Variants in ZNF444 observed in about 807,000 individuals in gnomAD.
The protein encoded by ZNF444 is zinc finger protein 444.
In ZNF444, 8 loss-of-function variants were observed where a neutral mutation model predicts 14.4. That is an observed-to-expected ratio of 0.56 (90% CI 0.33 to 1.00). The LOEUF is 1.00. Among genes scored for constraint, ZNF444 ranks in the 50% least tolerant of loss-of-function variants. ZNF444 has a pLI of 0.03. For synonymous variants in ZNF444, 258 were observed against 235.9 expected (o/e 1.09, Z -0.86); for missense variants, 510 against 504.8 (o/e 1.01, Z -0.10).
chr19:56,139,581 G>A (rs948080396), upstream of ZNF444, among the ~76,000 whole-genome samples: 1 of 152,040 alleles, frequency 6.6e-6, no homozygotes, highest in Non-Finnish European at 1.5e-5. Flanking sequence ...GGCTACTCAG[G>A]AGGATGCAGC....
At chr19:56,134,470 G>C (rs1216401236) in intron 1 of ZNF444, among the ~76,000 whole-genome samples, 1 of 152,154 alleles carries the variant, frequency 6.6e-6, no homozygotes, top group Non-Finnish European at 1.5e-5. Flanking sequence ...GGGCGGAGCA[G>C]TCACCCAAAA....
intron 1 of ZNF444, among the ~76,000 whole-genome samples, chr19:56,133,880 AG>A (rs1351657384): frequency 6.6e-6 from 1 of 151,676 alleles, no homozygotes; most frequent in Non-Finnish European, 1.5e-5. Flanking sequence ...ATGAGGGGGA[AG>A]TCAGATAATG....
chr19:56,149,359 C>T (rs2031431212), intron 3 of ZNF444, among the ~76,000 whole-genome samples: 1 of 132,818 alleles, frequency 7.5e-6, no homozygotes. Flanking sequence ...TTCCATCCCC[C>T]ATCACTCCTC....
At chr19:56,149,263 C>T (rs532694009) in intron 3 of ZNF444, among the ~76,000 whole-genome samples, 2 of 127,654 alleles carry the variant, frequency 1.6e-5, no homozygotes, top group Admixed American at 7.5e-5. Flanking sequence ...ACTCCTCCGA[C>T]CTTGACCTCT....
In ZNF444 at chr19:56,145,672, G is replaced by T. The variant is rs545531147; in HGVS notation, c.-196-575G>T. 6.6e-6 allele frequency among the ~76,000 whole-genome samples: 1 copy of T among 152,172 alleles called. No individual in the cohort carries two copies. The highest frequency in any genetic ancestry group is 1.5e-5 in the Non-Finnish European group (1 of 68,034). On this transcript the variant is annotated intron_variant, in intron 1 of 4. Coordinates refer to ENST00000337080, the MANE Select transcript of ZNF444 (RefSeq NM_018337.4). The surrounding 1 kb of genome is among the most constrained non-coding windows in gnomAD (Gnocchi z 4.3). Reference sequence around the variant, plus strand: ...CCATGGGAGGACACAAAAGGAGGCCGTCGGCAGCCTGGAAGAGGTGCTCAC... The same window carrying T: ...CCATGGGAGGACACAAAAGGAGGCCTTCGGCAGCCTGGAAGAGGTGCTCAC...
chr19:56,151,730 G>C (rs1048766631), intron 3 of ZNF444: 4 of 446,022 alleles, frequency 9.0e-6, no homozygotes, highest in Non-Finnish European at 1.8e-5. Context: ...AGCTGACGGT[G>C]GTGTATAGAC....
rs768751805 is a variant in ZNF444, at chr19:56,158,595, T to C, written c.399T>C (p.Ile133=). The change falls in exon 4 of 5, where the codon ATT becomes ATC. Residue 133 remains isoleucine (I), a synonymous_variant. Transcript: ENST00000337080. ...GTGGAAAGGAGGACAGTGGGATGAT[T>C]CCCTTAGGTGAGCTGCTGGCCTCTC... is the stretch of plus-strand genomic sequence containing the variant. The part of the protein sequence containing the change: ...ATGGKEDSGM[I]PLAGTAPGAE... The C allele has an allele frequency of 3.5e-5, 56 of 1,608,404 alleles. No homozygotes were observed. Among genetic ancestry groups the C allele is most frequent in the Non-Finnish European group, 4.2e-5 (50 of 1,177,450 alleles).
intron 3 of ZNF444, chr19:56,150,188 A>C (rs1054024049): frequency 4.8e-5 from 10 of 206,670 alleles, no homozygotes; most frequent in Non-Finnish European, 6.0e-5. Flanking sequence ...CACTGTTACC[A>C]CTCTGAGCTC....
At chr19:56,150,341 G>A (rs1299563162) in intron 3 of ZNF444, 9 of 261,126 alleles carry the variant, frequency 3.4e-5, no homozygotes, top group African/African-American at 2.0e-4. Flanking sequence ...AGTTCTGTTG[G>A]TTCAGTGAAT....
chr19:56,152,081 C>T (rs2031617161), intron 3 of ZNF444, among the ~76,000 whole-genome samples: 1 of 152,144 alleles, frequency 6.6e-6, no homozygotes, highest in Non-Finnish European at 1.5e-5. Flanking sequence ...CCTGTCATCC[C>T]AGCACTTTGG....
intron 1 of ZNF444, among the ~76,000 whole-genome samples, chr19:56,135,583 T>C: frequency 6.6e-6 from 1 of 152,004 alleles, no homozygotes; most frequent in Non-Finnish European, 1.5e-5. Flanking sequence ...CAGCTTGAAG[T>C]GTCACCTGCA....
At chr19:56,137,892 CG>C (rs2030647895), upstream of ZNF444, among the ~76,000 whole-genome samples, 2 of 151,974 alleles carry the variant, frequency 1.3e-5, no homozygotes, top group East Asian at 3.9e-4. Context: ...GAGGCCGAGG[CG>C]GGTGGATGAC....
At chr19:56,140,019 AC>A (rs2030713603), upstream of ZNF444, among the ~76,000 whole-genome samples, 1 of 152,256 alleles carries the variant, frequency 6.6e-6, no homozygotes, top group African/African-American at 2.4e-5. Flanking sequence ...ACAGTGGTAG[AC>A]AGGTGGGCCA....
rs1180210113 is a variant in ZNF444 at position 56,145,754 on chromosome 19, C to T, written c.-196-493C>T. Among the ~76,000 whole-genome samples, 1 of 152,218 alleles carries T rather than the reference C, an allele frequency of 6.6e-6. No individual in the cohort carries two copies. The highest frequency in any genetic ancestry group is 1.5e-5 in the Non-Finnish European group (1 of 68,044). On this transcript the variant is annotated intron_variant, in intron 1 of 4. Coordinates refer to ENST00000337080, the MANE Select transcript of ZNF444 (RefSeq NM_018337.4). The surrounding 1 kb of genome is among the most constrained non-coding windows in gnomAD (Gnocchi z 4.3). ...AAATTCCCAGCGGAAGGGACTGGGA[C>T]AGGCCGTCATAGCTGTCATAGCGGA...
At chr19:56,138,354 T>C (rs1177185668), upstream of ZNF444, among the ~76,000 whole-genome samples, 1 of 151,476 alleles carries the variant, frequency 6.6e-6, no homozygotes, top group Admixed American at 6.6e-5. Flanking sequence ...GGGCTGGGCA[T>C]GGTGGCTCAC....
At chr19:56,136,152 C>T (rs1482635043) in intron 1 of ZNF444, among the ~76,000 whole-genome samples, 1 of 150,202 alleles carries the variant, frequency 6.7e-6, no homozygotes, top group Non-Finnish European at 1.5e-5. Context: ...CCTTATTAAC[C>T]ACGCTCACCC....
chr19:56,149,645 C>T (rs274177), intron 3 of ZNF444, among the ~76,000 whole-genome samples: 9,505 of 152,190 alleles, frequency 0.062, 420 homozygotes, highest in Non-Finnish European at 0.093. Context: ...CTTCCCCCAC[C>T]CCCCGACAGG....
chr19:56,141,814 C>A (rs368302236), intron 1 of ZNF444: 1 of 151,960 alleles, frequency 6.6e-6, no homozygotes, highest in South Asian at 2.1e-4. Context: ...AAGGGGCTTC[C>A]GGGGACGATG....
intron 3 of ZNF444, chr19:56,154,231 G>A (rs1016371332): frequency 1.3e-5 from 2 of 152,226 alleles, no homozygotes; most frequent in African/African-American, 4.8e-5. Flanking sequence ...AAAGACCTTC[G>A]CGTATAGAAG....
Sources: allele counts gnomAD v4.1 joint callset (sites outside exome capture counted in the v4.1 genomes callset), GRCh38; gene constraint gnomAD v4.1.1; non-coding constraint Gnocchi (gnomAD v3.1); transcripts MANE v1.5; gene names NCBI Gene and HGNC (gene_info 2026-07-23, HGNC 2026-07-21).